Variants in RIMS2 observed in about 807,000 individuals in gnomAD.
RIMS2 encodes the protein regulating synaptic membrane exocytosis 2.
Under a neutral mutation model 174.4 loss-of-function variants are expected in RIMS2, and 59 were observed. That is an observed-to-expected ratio of 0.34 (90% CI 0.27 to 0.42). The LOEUF (loss-of-function observed/expected upper bound fraction) is 0.42, where lower values mean the gene tolerates loss of function less well. Ranked by LOEUF, RIMS2 falls within the 10% of genes least tolerant of loss-of-function variation. RIMS2 has a pLI of 1.00. For missense variants in RIMS2, 1,620 were observed against 1,666.3 expected (o/e 0.97, Z 0.48); for synonymous variants, 606 against 572.5 (o/e 1.06, Z -0.84).
intron 19 of RIMS2, among the ~76,000 whole-genome samples, chr8:104,059,828 CAT>C (rs2096945381): frequency 6.6e-6 from 1 of 152,128 alleles, no homozygotes; most frequent in African/African-American, 2.4e-5. Flanking sequence ...TTGAAATAAT[CAT>C]GTGGTTTTTG....
chr8:103,706,297 T>G (rs1372789853), intron 2 of RIMS2, among the ~76,000 whole-genome samples: 1 of 152,178 alleles, frequency 6.6e-6, no homozygotes, highest in African/African-American at 2.4e-5. Context: ...TTATTACTTT[T>G]GGTAAACTTT....
At chr8:103,857,248 C>A (rs1161980419) in intron 3 of RIMS2, among the ~76,000 whole-genome samples, 1 of 152,112 alleles carries the variant, frequency 6.6e-6, no homozygotes, top group Non-Finnish European at 1.5e-5. Flanking sequence ...ATGAAAACTG[C>A]GGACATGGCT....
At chr8:103,779,024 TGTTG>T (rs1337979729) in intron 3 of RIMS2, among the ~76,000 whole-genome samples, 1 of 152,210 alleles carries the variant, frequency 6.6e-6, no homozygotes, top group Non-Finnish European at 1.5e-5. Context: ...TTCATATACC[TGTTG>T]GTCATTTGTA....
chr8:103,803,221 A>G (rs1177871815), intron 3 of RIMS2, among the ~76,000 whole-genome samples: 1 of 152,260 alleles, frequency 6.6e-6, no homozygotes, highest in African/African-American at 2.4e-5. Context: ...GCTAAATGAT[A>G]TGGAATAACT....
intron 19 of RIMS2, among the ~76,000 whole-genome samples, chr8:104,194,571 G>T (rs933448707): frequency 6.6e-6 from 1 of 152,128 alleles, no homozygotes; most frequent in African/African-American, 2.4e-5. Flanking sequence ...GATATATTCA[G>T]TCACTCATTA....
chr8:104,016,363 C>T (rs759719134), intron 19 of RIMS2, among the ~76,000 whole-genome samples: 3 of 151,948 alleles, frequency 2.0e-5, no homozygotes, highest in African/African-American at 4.8e-5. Context: ...AATTTGTAAG[C>T]GTGCTGCATT....
Position 103,636,800 on chromosome 8 carries a change from C to A in RIMS2, c.177-60286C>A, listed in dbSNP as rs13275828. On this transcript the variant is annotated intron_variant, in intron 1 of 23. Coordinates refer to ENST00000504942, the Ensembl canonical transcript of RIMS2. ...AACCCACCCCCGCACCCCCCCCCCC[C>A]CACACACACACACATACCAATCTGC... is the stretch of plus-strand genomic sequence containing the variant. Among the ~76,000 whole-genome samples the A allele has an allele frequency of 2.6e-3, 68 of 26,180 alleles. 1 individual carries two copies. The highest frequency in any genetic ancestry group is 8.8e-3 in the African/African-American group (53 of 6,000). The allele number at this position is 26,180 out of a possible 152,430, so 17.2% of individuals were successfully genotyped here.
chr8:104,070,076 C>T (rs2154561504), intron 19 of RIMS2, among the ~76,000 whole-genome samples: 1 of 152,166 alleles, frequency 6.6e-6, no homozygotes, highest in Non-Finnish European at 1.5e-5. Context: ...ACATTACATC[C>T]CTTCATAACC....
At chr8:103,574,559 TATA>T (rs1243884860) in intron 1 of RIMS2, among the ~76,000 whole-genome samples, 1 of 152,244 alleles carries the variant, frequency 6.6e-6, no homozygotes, top group Non-Finnish European at 1.5e-5. Flanking sequence ...ATTCTCTGTC[TATA>T]ATGTTTGGAT....
At chr8:103,844,754 GAA>G (rs1469890600) in intron 3 of RIMS2, among the ~76,000 whole-genome samples, 6 of 152,162 alleles carry the variant, frequency 3.9e-5, no homozygotes, top group African/African-American at 1.4e-4. Flanking sequence ...GAGACAGAGA[GAA>G]TGAGAGATTA....
chr8:103,516,057 T>C (rs763402760), intron 1 of RIMS2, among the ~76,000 whole-genome samples: 1 of 152,110 alleles, frequency 6.6e-6, no homozygotes. Context: ...TTCTTTTTGG[T>C]TCATCGATTT....
intron 1 of RIMS2, among the ~76,000 whole-genome samples, chr8:103,660,918 A>G (rs1410927773): frequency 6.6e-6 from 1 of 152,222 alleles, no homozygotes; most frequent in East Asian, 1.9e-4. Flanking sequence ...TAAAAAATGA[A>G]AAGTGCACAG....
chr8:104,047,695 G>A (rs1023243698), intron 19 of RIMS2, among the ~76,000 whole-genome samples: 1 of 152,024 alleles, frequency 6.6e-6, no homozygotes, highest in South Asian at 2.1e-4. Context: ...GCATTTTGAT[G>A]TGTATGCATT....
At chr8:103,739,833 G>A (rs1333966208) in intron 2 of RIMS2, among the ~76,000 whole-genome samples, 1 of 152,068 alleles carries the variant, frequency 6.6e-6, no homozygotes, top group African/African-American at 2.4e-5. Context: ...GAGTCTCTAG[G>A]AGCAAAACAT....
chr8:103,994,593 A>C (rs1043933690), intron 17 of RIMS2, among the ~76,000 whole-genome samples: 3 of 152,144 alleles, frequency 2.0e-5, no homozygotes, highest in Admixed American at 2.0e-4. Flanking sequence ...GGAGAAGTGT[A>C]ATATGTTTTA....
intron 1 of RIMS2, among the ~76,000 whole-genome samples, chr8:103,537,645 TCTGGCTTTACCAAGCCAGATCA>T (rs1162641617): frequency 2.0e-5 from 3 of 152,142 alleles, no homozygotes; most frequent in Non-Finnish European, 4.4e-5. Flanking sequence ...ACTTACCATG[TCTGGCTTTACCAAGCCAGATCA>T]CTGGCTTTAC....
At chr8:104,201,495 G>C (rs959530166) in intron 19 of RIMS2, among the ~76,000 whole-genome samples, 4 of 151,870 alleles carry the variant, frequency 2.6e-5, no homozygotes, top group Non-Finnish European at 4.4e-5. Context: ...TAAAAAATTC[G>C]GCATCATAGA....
chr8:103,689,613 T>C (rs1199289142), intron 1 of RIMS2, among the ~76,000 whole-genome samples: 3 of 152,204 alleles, frequency 2.0e-5, no homozygotes, highest in African/African-American at 7.2e-5. Flanking sequence ...CATAATGACC[T>C]TCTTTGTTTC....
intron 2 of RIMS2, among the ~76,000 whole-genome samples, chr8:103,765,244 G>C (rs2098156572): frequency 6.6e-6 from 1 of 152,186 alleles, no homozygotes; most frequent in East Asian, 1.9e-4. Flanking sequence ...TAATTGAAAA[G>C]GATTTTTCAG....
Sources: allele counts gnomAD v4.1 joint callset (sites outside exome capture counted in the v4.1 genomes callset), GRCh38; gene constraint gnomAD v4.1.1; transcripts MANE v1.5; gene names NCBI Gene and HGNC (gene_info 2026-07-23, HGNC 2026-07-21).